Variants in SCAPER observed in about 807,000 individuals in gnomAD.
SCAPER encodes the protein S phase cyclin A-associated protein in the endoplasmic reticulum.
In SCAPER, 98 loss-of-function variants were observed where a neutral mutation model predicts 182.2. The ratio of observed to expected loss-of-function variants is 0.54; its 90% CI spans 0.46 to 0.64. The LOEUF is 0.64. SCAPER is among the 30% of genes least tolerant of loss of function. The probability of loss-of-function intolerance (pLI) is 0.00; values close to 1 mark genes in which losing one functional copy is unlikely to be tolerated. For synonymous variants in SCAPER, 605 were observed against 564.6 expected, an observed-to-expected ratio of 1.07 and a Z score of -1.01; for missense variants, 1,432 against 1,690.0, an observed-to-expected ratio of 0.85 and a Z score of 2.68.
chr15:76,434,352 C>A (rs1221038396), intron 25 of SCAPER, 42 bp from the exon 26 acceptor site: 3 of 1,391,290 alleles, frequency 2.2e-6, no homozygotes, highest in South Asian at 2.6e-5. Flanking sequence ...TCAATAAAAC[C>A]ACCAAAAATG....
intron 21 of SCAPER, among the ~76,000 whole-genome samples, chr15:76,623,216 G>T (rs1325660150): frequency 6.6e-6 from 1 of 152,156 alleles, no homozygotes; most frequent in Non-Finnish European, 1.5e-5. Flanking sequence ...TCACTCCATT[G>T]ACAGTTTCTT....
intron 23 of SCAPER, among the ~76,000 whole-genome samples, chr15:76,571,548 C>T (rs1405524443): frequency 3.3e-5 from 5 of 152,062 alleles, no homozygotes; most frequent in Admixed American, 2.0e-4. Flanking sequence ...CCCGTTAGGT[C>T]TAAAATAGTT....
chr15:76,823,905 A>G (rs761421245), intron 5 of SCAPER, among the ~76,000 whole-genome samples: 2 of 138,824 alleles, frequency 1.4e-5, no homozygotes, highest in Admixed American at 7.1e-5. Flanking sequence ...TTCTTTTTGG[A>G]AAAAAAAAAA....
chr15:76,506,552 C>A (rs1177547550), intron 23 of SCAPER, among the ~76,000 whole-genome samples: 2 of 151,950 alleles, frequency 1.3e-5, no homozygotes, highest in African/African-American at 4.8e-5. Context: ...GGGAAAGGGT[C>A]AGGATAGGCT....
At chr15:76,471,098 C>CTTCT (rs555536711) in intron 25 of SCAPER, 114 bp downstream of exon 25, 18 of 515,660 alleles carry the variant, frequency 3.5e-5, no homozygotes, top group Admixed American at 9.3e-5. Context: ...TCTTCTTCTT[C>CTTCT]TTTTTTTTTT....
intron 17 of SCAPER, among the ~76,000 whole-genome samples, chr15:76,716,346 G>A (rs1362624863): frequency 6.6e-6 from 1 of 152,100 alleles, no homozygotes; most frequent in African/African-American, 2.4e-5. Flanking sequence ...AAGTTGGAAA[G>A]ATATGACTGC....
chr15:76,609,689 A>C (rs1355981610), intron 22 of SCAPER, among the ~76,000 whole-genome samples: 2 of 152,224 alleles, frequency 1.3e-5, no homozygotes, highest in African/African-American at 4.8e-5. Flanking sequence ...TTTGACTTTT[A>C]GTATATCCTG....
intron 23 of SCAPER, among the ~76,000 whole-genome samples, chr15:76,515,526 A>G (rs1204488683): frequency 6.6e-6 from 1 of 152,188 alleles, no homozygotes; most frequent in African/African-American, 2.4e-5. Flanking sequence ...CAAATGGGTT[A>G]TATAGACAAG....
intron 5 of SCAPER, among the ~76,000 whole-genome samples, chr15:76,836,273 A>G (rs1448006105): frequency 1.3e-5 from 2 of 152,186 alleles, no homozygotes; most frequent in African/African-American, 4.8e-5. Context: ...AAGCAATCCT[A>G]AGCAAAAAGA....
intron 23 of SCAPER, among the ~76,000 whole-genome samples, chr15:76,566,340 T>C (rs2047035450): frequency 6.6e-6 from 1 of 152,156 alleles, no homozygotes; most frequent in Non-Finnish European, 1.5e-5. Flanking sequence ...TCAATTCACT[T>C]CAAATCATCA....
At chr15:76,511,080 A>G (rs911169537) in intron 23 of SCAPER, among the ~76,000 whole-genome samples, 1 of 152,130 alleles carries the variant, frequency 6.6e-6, no homozygotes, top group South Asian at 2.1e-4. Context: ...GAATGATACA[A>G]TGAACTCTGG....
At chr15:76,609,996 G>GT (rs140759224) in intron 22 of SCAPER, among the ~76,000 whole-genome samples, 1 of 152,138 alleles carries the variant, frequency 6.6e-6, no homozygotes, top group African/African-American at 2.4e-5. Context: ...TGGTGAAATA[G>GT]TTTTTTCTTT....
At chr15:76,702,558 A>C (rs1431402867) in intron 19 of SCAPER, among the ~76,000 whole-genome samples, 1 of 152,008 alleles carries the variant, frequency 6.6e-6, no homozygotes, top group Non-Finnish European at 1.5e-5. Flanking sequence ...AAGGATTCTC[A>C]TGCCTCAGCC....
chr15:76,496,296 G>A (rs1054774315), intron 24 of SCAPER, among the ~76,000 whole-genome samples: 1 of 151,820 alleles, frequency 6.6e-6, no homozygotes, highest in African/African-American at 2.4e-5. Flanking sequence ...AGGGTCTGAA[G>A]AAATACACTT....
Position 76,767,045 on chromosome 15 carries a change from C to T in SCAPER, c.1292G>A (p.Arg431His), listed in dbSNP as rs1266530809. Residue 431 changes from arginine to histidine, a missense_variant, in exon 11 of 32, where the codon CGT becomes CAT. By Grantham distance (29) the Arg-to-His change is conservative. Transcript: ENST00000563290. ...GGCTTCTTCATTGGCCTTTTCTAGA[C>T]GATCTGCTAGCTCTTCTTTTTTAGC... ...VLAKKEELAD[R>H]LEKANEEAIA... 1.2e-6 allele frequency: 2 copies of T among 1,601,874 alleles called. No homozygotes were observed. The highest frequency in any genetic ancestry group is 1.7e-6 in the Non-Finnish European group (2 of 1,173,514).
chr15:76,798,736 G>C (rs1208936725), intron 7 of SCAPER, among the ~76,000 whole-genome samples: 1 of 152,010 alleles, frequency 6.6e-6, no homozygotes, highest in Non-Finnish European at 1.5e-5. Context: ...CAGCCAGAAG[G>C]CAGTAAGGAA....
intron 19 of SCAPER, among the ~76,000 whole-genome samples, chr15:76,702,364 T>C (rs761656341): frequency 6.6e-6 from 1 of 152,210 alleles, no homozygotes; most frequent in Non-Finnish European, 1.5e-5. Flanking sequence ...GCACTTTTAC[T>C]GCTATTCCAA....
chr15:76,863,765 C>T (rs1008119883), intron 2 of SCAPER, among the ~76,000 whole-genome samples: 1 of 152,214 alleles, frequency 6.6e-6, no homozygotes, highest in African/African-American at 2.4e-5. Flanking sequence ...CAATAAAATG[C>T]GGCAGAAGGG....
intron 22 of SCAPER, among the ~76,000 whole-genome samples, chr15:76,604,703 G>T (rs574363247): frequency 1.3e-5 from 2 of 152,098 alleles, no homozygotes; most frequent in African/African-American, 4.8e-5. Context: ...TTATTTCACT[G>T]AGCAGTGGTT....
Sources: allele counts gnomAD v4.1 joint callset (sites outside exome capture counted in the v4.1 genomes callset), GRCh38; gene constraint gnomAD v4.1.1; transcripts MANE v1.5; gene names NCBI Gene and HGNC (gene_info 2026-07-23, HGNC 2026-07-21).